LARP4B: variants seen among roughly 807,000 people sequenced by gnomAD.
LARP4B encodes the protein La ribonucleoprotein 4B, also known as la-related protein 4B.
LARP4B carries 12 observed loss-of-function variants against 89.8 expected under a neutral mutation model. The ratio of observed to expected loss-of-function variants is 0.13; its 90% CI spans 0.09 to 0.22. The LOEUF is 0.22. Among genes scored for constraint, LARP4B ranks in the 10% least tolerant of loss-of-function variants. The pLI, the probability that LARP4B is intolerant of heterozygous loss-of-function variation, is 1.00. For synonymous variants in LARP4B, 367 were observed against 363.3 expected (o/e 1.01, Z -0.12); for missense variants, 757 against 947.7 (o/e 0.80, Z 2.64).
rs1012276831 is a variant in LARP4B at position 836,643 on chromosome 10, G to A, written c.647-137C>T. Reference sequence around the variant, plus strand: ...AATGGGCAAAGTAAACCAATCTCACGTTAGATTTTTCAAAGCTCAGGAATA... The same window carrying A: ...AATGGGCAAAGTAAACCAATCTCACATTAGATTTTTCAAAGCTCAGGAATA... On this transcript the variant is annotated intron_variant, in intron 7 of 17. Coordinates refer to ENST00000316157, the MANE Select transcript of LARP4B (RefSeq NM_015155.3). 29 of 594,718 alleles carry A rather than the reference G, an allele frequency of 4.9e-5. 1 individual carries two copies. Among genetic ancestry groups the A allele is most frequent in the South Asian group, 4.6e-4 (20 of 43,422 alleles). 36.8% of individuals were successfully genotyped at this position (594,718 alleles called of 1,614,324 possible).
chr10:939,821 C>T, the LARP4B span, among the ~76,000 whole-genome samples: 13 of 152,094 alleles, frequency 8.5e-5, 2 homozygotes, highest in Admixed American at 3.9e-4. Context: ...GTTTTTAATC[C>T]AACATATATG....
At chr10:881,945 A>G (rs1304430790) in intron 3 of LARP4B, among the ~76,000 whole-genome samples, 2 of 152,174 alleles carry the variant, frequency 1.3e-5, no homozygotes, top group Non-Finnish European at 2.9e-5. Context: ...ATGGATGGAT[A>G]CTCAAATTTT....
At chr10:910,460 C>G (rs7069505) in intron 1 of LARP4B, among the ~76,000 whole-genome samples, 2 of 152,084 alleles carry the variant, frequency 1.3e-5, no homozygotes, top group African/African-American at 4.8e-5. Flanking sequence ...GTGTGACACT[C>G]TCCATCTTCA....
chr10:828,751 C>T (rs150726072), intron 11 of LARP4B, among the ~76,000 whole-genome samples: 15 of 152,344 alleles, frequency 9.8e-5, no homozygotes, highest in Admixed American at 3.3e-4. Flanking sequence ...CTCAACTAGA[C>T]TTCAGCTTCA....
At chr10:863,173 T>C (rs1471196564) in intron 5 of LARP4B, among the ~76,000 whole-genome samples, 1 of 151,828 alleles carries the variant, frequency 6.6e-6, no homozygotes, top group Non-Finnish European at 1.5e-5. Context: ...AATCCAACAT[T>C]AACGTTCCAC....
At chr10:890,677 T>C (rs1052764206) in intron 1 of LARP4B, among the ~76,000 whole-genome samples, 8 of 152,108 alleles carry the variant, frequency 5.3e-5, no homozygotes, top group African/African-American at 1.9e-4. Flanking sequence ...CTGGAGCAAA[T>C]TGTGATTTTG....
At chr10:899,454 T>C (rs1351921681) in intron 1 of LARP4B, among the ~76,000 whole-genome samples, 1 of 151,852 alleles carries the variant, frequency 6.6e-6, no homozygotes, top group Non-Finnish European at 1.5e-5. Context: ...GGAACACAGG[T>C]ATCCCTGTGT....
chr10:873,636 C>T (rs1477035588), intron 3 of LARP4B, among the ~76,000 whole-genome samples: 5 of 152,024 alleles, frequency 3.3e-5, no homozygotes, highest in African/African-American at 1.2e-4. Context: ...ATCTAATTTT[C>T]TAGCTTTACG....
chr10:949,657 CTTG>C, the LARP4B span, among the ~76,000 whole-genome samples: 3 of 152,220 alleles, frequency 2.0e-5, no homozygotes, highest in African/African-American at 4.8e-5. Context: ...GCAGGGCTGT[CTTG>C]TTGTTGTTTT....
At chr10:861,110 C>T (rs1834589305) in intron 5 of LARP4B, among the ~76,000 whole-genome samples, 1 of 152,222 alleles carries the variant, frequency 6.6e-6, no homozygotes, top group South Asian at 2.1e-4. Flanking sequence ...GAGCCGAGAT[C>T]ACGCCACTGC....
At chr10:904,322 G>A (rs557576390) in intron 1 of LARP4B, among the ~76,000 whole-genome samples, 1 of 152,298 alleles carries the variant, frequency 6.6e-6, no homozygotes, top group South Asian at 2.1e-4. Context: ...GGGAGGCCAA[G>A]AAAGGGAGAT....
intron 1 of LARP4B, among the ~76,000 whole-genome samples, chr10:899,802 A>G (rs1836285587): frequency 6.6e-6 from 1 of 152,232 alleles, no homozygotes; most frequent in South Asian, 2.1e-4. Flanking sequence ...GTAAATGAAT[A>G]TTCAACTAGA....
chr10:946,779 C>T, the LARP4B span, among the ~76,000 whole-genome samples: 20 of 152,196 alleles, frequency 1.3e-4, no homozygotes, highest in Non-Finnish European at 2.5e-4. Flanking sequence ...TTCCTTGCCA[C>T]CCTCCCTCTT....
At chr10:959,404 T>A in the LARP4B span, among the ~76,000 whole-genome samples, 1 of 45,348 alleles carries the variant, frequency 2.2e-5, no homozygotes, top group Admixed American at 2.4e-4. Flanking sequence ...TCAATCCACC[T>A]CCCCATCAAT....
intron 3 of LARP4B, among the ~76,000 whole-genome samples, chr10:880,041 T>C (rs1020231336): frequency 2.0e-5 from 3 of 152,130 alleles, no homozygotes; most frequent in Non-Finnish European, 4.4e-5. Flanking sequence ...CCCAAAGTGC[T>C]GGGATTACAG....
intron 5 of LARP4B, among the ~76,000 whole-genome samples, chr10:850,643 C>A (rs1833997149): frequency 6.6e-6 from 1 of 152,154 alleles, no homozygotes; most frequent in African/African-American, 2.4e-5. Context: ...ACAAAATATT[C>A]CCCATAGCAA....
chr10:907,781 G>T (rs901242598), intron 1 of LARP4B, among the ~76,000 whole-genome samples: 11 of 152,208 alleles, frequency 7.2e-5, no homozygotes, highest in African/African-American at 2.7e-4. Context: ...CTAGTCACCA[G>T]AAAGACCGAG....
intron 5 of LARP4B, among the ~76,000 whole-genome samples, chr10:853,034 T>C (rs764524119): frequency 3.3e-5 from 5 of 152,238 alleles, no homozygotes; most frequent in Non-Finnish European, 5.9e-5. Flanking sequence ...AACTGATCTA[T>C]AGATTCAGTG....
intron 1 of LARP4B, among the ~76,000 whole-genome samples, chr10:891,744 C>A (rs376746509): frequency 1.3e-5 from 2 of 152,196 alleles, no homozygotes; most frequent in African/African-American, 2.4e-5. Context: ...AAAAAAGTAA[C>A]CTTTACACCA....
Sources: gnomAD v4.1 joint callset for allele counts (sites outside exome capture counted in the v4.1 genomes callset) on GRCh38, gnomAD v4.1.1 for gene constraint, MANE v1.5 for transcripts, NCBI Gene and HGNC (gene_info 2026-07-23, HGNC 2026-07-21) for gene names.